DOK6: variants seen among roughly 807,000 people sequenced by gnomAD.
DOK6 encodes downstream of tyrosine kinase 6.
Under a neutral mutation model 44.0 loss-of-function variants are expected in DOK6, and 22 were observed. The observed-to-expected ratio is 0.50, with a 90% CI of 0.36 to 0.71. DOK6 has a LOEUF of 0.71. Ranked by LOEUF, DOK6 falls within the 30% of genes least tolerant of loss-of-function variation. The pLI, the probability that DOK6 is intolerant of heterozygous loss-of-function variation, is 0.00. For synonymous variants in DOK6, 166 were observed against 145.5 expected (o/e 1.14, Z -1.01); for missense variants, 340 against 416.4 (o/e 0.82, Z 1.60).
intron 1 of DOK6, among the ~76,000 whole-genome samples, chr18:69,482,538 A>G (rs973131684): frequency 1.3e-5 from 2 of 152,072 alleles, no homozygotes; most frequent in Non-Finnish European, 2.9e-5. Context: ...TCATGACATT[A>G]TATGCTGGAA....
intron 3 of DOK6, among the ~76,000 whole-genome samples, chr18:69,625,360 T>C (rs78822449): frequency 0.015 from 2,243 of 152,292 alleles, 43 homozygotes; most frequent in African/African-American, 0.051. Context: ...GCTTAGGTTC[T>C]CTGGTGATGC....
At chr18:69,427,929 C>G (rs1185216735) in intron 1 of DOK6, among the ~76,000 whole-genome samples, 2 of 152,030 alleles carry the variant, frequency 1.3e-5, no homozygotes, top group African/African-American at 2.4e-5. Flanking sequence ...AAGTGCCCAC[C>G]ACCACACCCA....
intron 4 of DOK6, among the ~76,000 whole-genome samples, chr18:69,688,074 T>C (rs1018876369): frequency 4.6e-5 from 7 of 152,022 alleles, no homozygotes; most frequent in Non-Finnish European, 7.4e-5. Context: ...TAAAATTAAA[T>C]ATTAAAATAC....
intron 3 of DOK6, among the ~76,000 whole-genome samples, chr18:69,656,580 A>G (rs1011823152): frequency 3.7e-4 from 56 of 152,344 alleles, no homozygotes; most frequent in African/African-American, 1.3e-3. Flanking sequence ...TTGATTAAAA[A>G]TAAGTCAAAA....
chr18:69,786,202 A>G (rs905289845), intron 7 of DOK6, among the ~76,000 whole-genome samples: 1 of 152,222 alleles, frequency 6.6e-6, no homozygotes, highest in Non-Finnish European at 1.5e-5. Flanking sequence ...ACTTACGCTT[A>G]ATATAAAATC....
At chr18:69,668,656 T>G (rs564007494) in intron 3 of DOK6, among the ~76,000 whole-genome samples, 1 of 152,290 alleles carries the variant, frequency 6.6e-6, no homozygotes, top group South Asian at 2.1e-4. Flanking sequence ...CTATGGACTT[T>G]TGTTTTCTTT....
intron 3 of DOK6, among the ~76,000 whole-genome samples, chr18:69,607,050 T>C (rs929907453): frequency 5.9e-5 from 9 of 152,190 alleles, no homozygotes; most frequent in Admixed American, 1.3e-4. Flanking sequence ...AATTTTTTTT[T>C]CCCAAGTCCC....
chr18:69,558,958 T>G (rs1486128686), intron 1 of DOK6, among the ~76,000 whole-genome samples: 1 of 152,118 alleles, frequency 6.6e-6, no homozygotes, highest in East Asian at 1.9e-4. Context: ...TTGCAACTGT[T>G]TATAAACCTA....
intron 1 of DOK6, among the ~76,000 whole-genome samples, chr18:69,524,971 A>G (rs1981789503): frequency 7.6e-6 from 1 of 131,952 alleles, no homozygotes; most frequent in African/African-American, 2.6e-5. Context: ...TATTAAATGA[A>G]GATTTTCAGT....
chr18:69,679,414 T>C (rs193108089), intron 4 of DOK6, among the ~76,000 whole-genome samples: 15 of 152,322 alleles, frequency 9.8e-5, no homozygotes. Context: ...TTCCAAATAT[T>C]GCTTCCATTT....
At chr18:69,699,229 G>A (rs939902841) in intron 5 of DOK6, among the ~76,000 whole-genome samples, 1 of 152,052 alleles carries the variant, frequency 6.6e-6, no homozygotes, top group Non-Finnish European at 1.5e-5. Context: ...TAGGTTTGGG[G>A]ATTTTATATG....
intron 7 of DOK6, among the ~76,000 whole-genome samples, chr18:69,837,346 G>T (rs1841711168): frequency 6.6e-6 from 1 of 152,084 alleles, no homozygotes; most frequent in African/African-American, 2.4e-5. Flanking sequence ...CACTTTTATA[G>T]CAAAGCCACT....
intron 5 of DOK6, 92 bp from the exon 6 acceptor site, chr18:69,738,873 A>C (rs1292192597): frequency 1.3e-6 from 2 of 1,500,306 alleles, no homozygotes; most frequent in East Asian, 2.3e-5. Context: ...CAGGAGGAGG[A>C]GGCACAAGGG....
intron 1 of DOK6, among the ~76,000 whole-genome samples, chr18:69,548,023 A>G (rs113980343): frequency 0.062 from 9,328 of 149,956 alleles, 973 homozygotes; most frequent in African/African-American, 0.21. Context: ...GCGCAATCTC[A>G]GCTCACTGCA....
chr18:69,778,199 C>T (rs906570355), intron 7 of DOK6, among the ~76,000 whole-genome samples: 13 of 152,066 alleles, frequency 8.5e-5, no homozygotes, highest in African/African-American at 2.9e-4. Flanking sequence ...ATTGAACATA[C>T]AGGTTTTCCT....
intron 3 of DOK6, among the ~76,000 whole-genome samples, chr18:69,606,206 A>G (rs1255177319): frequency 6.6e-6 from 1 of 151,962 alleles, no homozygotes; most frequent in East Asian, 1.9e-4. Flanking sequence ...CGGAAGGCAG[A>G]GGTTGCAGTA....
At chr18:69,666,861 T>C (rs988754904) in intron 3 of DOK6, among the ~76,000 whole-genome samples, 1 of 152,210 alleles carries the variant, frequency 6.6e-6, no homozygotes, top group Non-Finnish European at 1.5e-5. Context: ...GTACTCAGCA[T>C]GAGACCAACT....
intron 1 of DOK6, among the ~76,000 whole-genome samples, chr18:69,514,656 C>G (rs1043146072): frequency 2.8e-4 from 42 of 151,628 alleles, no homozygotes; most frequent in Non-Finnish European, 5.3e-4. Flanking sequence ...GTCATTTAAC[C>G]AGCAAGCATA....
At chr18:69,735,188 AG>A (rs1468978517) in intron 5 of DOK6, among the ~76,000 whole-genome samples, 1 of 152,246 alleles carries the variant, frequency 6.6e-6, no homozygotes, top group Non-Finnish European at 1.5e-5. Context: ...GCAAGTGGTG[AG>A]GCTGGATAAA....
Sources: gnomAD v4.1 joint callset for allele counts (sites outside exome capture counted in the v4.1 genomes callset) on GRCh38, gnomAD v4.1.1 for gene constraint, MANE v1.5 for transcripts, NCBI Gene and HGNC (gene_info 2026-07-23, HGNC 2026-07-21) for gene names.